CNTN6: variants seen among roughly 807,000 people sequenced by gnomAD.
The protein encoded by CNTN6 is contactin-6.
In CNTN6, 137 loss-of-function variants were observed where a neutral mutation model predicts 122.8. The ratio of observed to expected loss-of-function variants is 1.12; its 90% CI spans 0.97 to 1.29. CNTN6 has a LOEUF of 1.29. Ranked by LOEUF, CNTN6 falls within the 50% of genes most tolerant of loss-of-function variation. The pLI, the probability that CNTN6 is intolerant of heterozygous loss-of-function variation, is 0.00. For synonymous variants in CNTN6, 570 were observed against 426.0 expected, an observed-to-expected ratio of 1.34 and a Z score of -4.16; for missense variants, 1,634 against 1,223.4, an observed-to-expected ratio of 1.34 and a Z score of -5.01.
At chr3:1,308,287 T>TTGTGTGTGTG (rs113198519) in intron 7 of CNTN6, among the ~76,000 whole-genome samples, 7,328 of 144,832 alleles carry the variant, frequency 0.051, 209 homozygotes, top group Middle Eastern at 0.077. Context: ...ATGGGGTGTT[T>TTGTGTGTGTG]TGTGTGTGTG....
intron 1 of CNTN6, among the ~76,000 whole-genome samples, chr3:1,123,482 T>C (rs1319436978): frequency 6.7e-6 from 1 of 150,170 alleles, no homozygotes; most frequent in East Asian, 1.9e-4. Context: ...CTAATTTTTG[T>C]CCTTATTTTT....
intron 4 of CNTN6, among the ~76,000 whole-genome samples, chr3:1,267,782 G>A (rs1264745552): frequency 6.6e-6 from 1 of 152,060 alleles, no homozygotes; most frequent in East Asian, 1.9e-4. Context: ...AATTCAACAA[G>A]CTGATCTTTG....
At chr3:1,337,858 C>T (rs1401626243) in intron 11 of CNTN6, among the ~76,000 whole-genome samples, 2 of 152,020 alleles carry the variant, frequency 1.3e-5, no homozygotes, top group African/African-American at 4.8e-5. Context: ...CTGTGTGTGC[C>T]CCTGTCAGTC....
intron 7 of CNTN6, among the ~76,000 whole-genome samples, chr3:1,314,671 T>C (rs1699846691): frequency 6.6e-6 from 1 of 152,006 alleles, no homozygotes; most frequent in African/African-American, 2.4e-5. Flanking sequence ...ATTAATAGGA[T>C]GCTCCCTTTG....
At chr3:1,226,300 AAC>A (rs141825299) in intron 3 of CNTN6, among the ~76,000 whole-genome samples, 2,797 of 152,290 alleles carry the variant, frequency 0.018, 83 homozygotes, top group African/African-American at 0.064. Context: ...AACCCTAAAA[AAC>A]ACAGTTTGGA....
At chr3:1,315,711 C>T (rs1436951674) in intron 7 of CNTN6, among the ~76,000 whole-genome samples, 1 of 151,912 alleles carries the variant, frequency 6.6e-6, no homozygotes, top group Non-Finnish European at 1.5e-5. Context: ...AGATGATTAA[C>T]CACGTTAAAG....
chr3:1,337,046 G>A (rs1703176618), intron 11 of CNTN6, among the ~76,000 whole-genome samples: 1 of 152,120 alleles, frequency 6.6e-6, no homozygotes, highest in African/African-American at 2.4e-5. Flanking sequence ...TTCTTCATGG[G>A]TAAAATGGTC....
At chr3:1,387,632 G>GC (rs1156291495) in intron 20 of CNTN6, among the ~76,000 whole-genome samples, 7 of 152,172 alleles carry the variant, frequency 4.6e-5, no homozygotes, top group African/African-American at 1.7e-4. Flanking sequence ...CGTGATTTCT[G>GC]CATTTCCATC....
chr3:1,163,817 C>G (rs2093187777), intron 2 of CNTN6, among the ~76,000 whole-genome samples: 1 of 152,176 alleles, frequency 6.6e-6, no homozygotes. Context: ...AGGAGACAAC[C>G]TGAAACACAT....
In CNTN6 at chr3:1,295,773, T is replaced by G. The variant is rs776931756; in HGVS notation, c.627T>G (p.Gly209=). The G allele has an allele frequency of 1.9e-6, 3 of 1,613,942 alleles. No individual in the cohort carries two copies. The South Asian group carries it at 3.3e-5, about 18-fold the overall frequency. The change falls in exon 6 of 23, where the codon GGT becomes GGG. Residue 209 remains glycine (G), a synonymous_variant. Transcript: ENST00000446702. ...TNKEAQRSVQ[G]PPTPLVQRTD... is the part of the protein sequence containing the mutation. Reference sequence around the variant, plus strand: ...AAGAGGCCCAGAGAAGTGTTCAAGGTCCACCCACTCCATTAGTGCAGCGCA... The same window carrying G: ...AAGAGGCCCAGAGAAGTGTTCAAGGGCCACCCACTCCATTAGTGCAGCGCA...
At position 1,346,975 on chromosome 3, in the gene CNTN6, A is replaced by G. The variant is rs78984597; in HGVS notation, c.1365-5349A>G. On this transcript the variant is annotated intron_variant, in intron 11 of 22. Coordinates refer to ENST00000446702, the MANE Select transcript of CNTN6 (RefSeq NM_001289080.2). ...TGTAGGACTACCTACCTTCCCTGAC[A>G]GTGGGAAGATTAAAATGTCGCATGT... Among the ~76,000 whole-genome samples the G allele has an allele frequency of 5.3e-4, 80 of 152,340 alleles. No homozygotes were observed. The East Asian group carries it at 0.012, about 22-fold the overall frequency.
chr3:1,228,328 A>T (rs755276710), intron 4 of CNTN6, among the ~76,000 whole-genome samples: 1 of 152,184 alleles, frequency 6.6e-6, no homozygotes, highest in African/African-American at 2.4e-5. Flanking sequence ...ATATTAATGC[A>T]ATGTGGAGAG....
intron 12 of CNTN6, among the ~76,000 whole-genome samples, chr3:1,357,008 T>C (rs958523333): frequency 1.2e-4 from 18 of 151,918 alleles, no homozygotes; most frequent in Non-Finnish European, 2.9e-5. Context: ...CATGAAAATT[T>C]AGTTCACAAT....
chr3:1,117,186 C>G (rs1241369657), intron 1 of CNTN6, among the ~76,000 whole-genome samples: 1 of 152,144 alleles, frequency 6.6e-6, no homozygotes, highest in Non-Finnish European at 1.5e-5. Flanking sequence ...TTCTTAAACA[C>G]ACGTGTGCAT....
intron 2 of CNTN6, among the ~76,000 whole-genome samples, chr3:1,203,300 G>A (rs559753216): frequency 6.6e-6 from 1 of 152,296 alleles, no homozygotes; most frequent in South Asian, 2.1e-4. Flanking sequence ...TTATAAATGA[G>A]CAGATTTGCC....
intron 4 of CNTN6, among the ~76,000 whole-genome samples, chr3:1,233,914 C>T (rs1272713728): frequency 1.3e-5 from 2 of 151,944 alleles, no homozygotes; most frequent in East Asian, 3.9e-4. Context: ...TCTTGCACCA[C>T]ATCACAGGAT....
At chr3:1,240,352 G>A (rs1436695360) in intron 4 of CNTN6, among the ~76,000 whole-genome samples, 1 of 152,104 alleles carries the variant, frequency 6.6e-6, no homozygotes, top group Non-Finnish European at 1.5e-5. Flanking sequence ...CCATTAAAAA[G>A]TGGGCTAAGG....
At chr3:1,275,033 C>G (rs944978415) in intron 4 of CNTN6, among the ~76,000 whole-genome samples, 1 of 152,200 alleles carries the variant, frequency 6.6e-6, no homozygotes, top group African/African-American at 2.4e-5. Flanking sequence ...CCAGCAAAAA[C>G]TCTGCAGTCC....
intron 2 of CNTN6, among the ~76,000 whole-genome samples, chr3:1,202,545 AATAAAT>A (rs1376174157): frequency 2.7e-3 from 190 of 70,470 alleles, no homozygotes; most frequent in African/African-American, 7.8e-3. Context: ...CGTCTCAAAA[AATAAAT>A]AAATAAATAA....
Sources: gnomAD v4.1 joint callset for allele counts (sites outside exome capture counted in the v4.1 genomes callset) on GRCh38, gnomAD v4.1.1 for gene constraint, MANE v1.5 for transcripts, NCBI Gene and HGNC (gene_info 2026-07-23, HGNC 2026-07-21) for gene names.